SLC9A9: variants seen among roughly 807,000 people sequenced by gnomAD.
SLC9A9 encodes the protein sodium/hydrogen exchanger 9.
In SLC9A9, 62 loss-of-function variants were observed where a neutral mutation model predicts 77.8. The observed-to-expected ratio is 0.80, with a 90% confidence interval of 0.65 to 0.98. SLC9A9 has a LOEUF of 0.98. Among genes scored for constraint, SLC9A9 ranks in the 50% least tolerant of loss-of-function variants. The pLI is 0.00. For synonymous variants in SLC9A9, 320 were observed against 283.5 expected, an observed-to-expected ratio of 1.13 and a Z score of -1.29; for missense variants, 775 against 774.9, an observed-to-expected ratio of 1.00 and a Z score of 0.00.
intron 12 of SLC9A9, among the ~76,000 whole-genome samples, chr3:143,430,551 G>A (rs2034494656): frequency 6.6e-6 from 1 of 152,194 alleles, no homozygotes; most frequent in Admixed American, 6.5e-5. Flanking sequence ...TGTGGAAGGG[G>A]CAGGGCAGTG....
chr3:143,468,465 T>G (rs969383509), intron 11 of SLC9A9, among the ~76,000 whole-genome samples: 2 of 152,258 alleles, frequency 1.3e-5, no homozygotes, highest in Non-Finnish European at 2.9e-5. Flanking sequence ...AATAGCACAC[T>G]GTCTTAATTA....
intron 5 of SLC9A9, among the ~76,000 whole-genome samples, chr3:143,667,263 A>G (rs1299293185): frequency 6.6e-6 from 1 of 152,242 alleles, no homozygotes; most frequent in Admixed American, 6.5e-5. Context: ...GGTGCTGGGA[A>G]AACTGGCTAG....
chr3:143,766,971 T>C (rs2007339145), intron 4 of SLC9A9, among the ~76,000 whole-genome samples: 1 of 152,226 alleles, frequency 6.6e-6, no homozygotes, highest in South Asian at 2.1e-4. Context: ...TTAAAAAGTA[T>C]GGTAATCATG....
At chr3:143,403,285 C>T (rs2033903350) in intron 12 of SLC9A9, among the ~76,000 whole-genome samples, 1 of 152,102 alleles carries the variant, frequency 6.6e-6, no homozygotes, top group African/African-American at 2.4e-5. Flanking sequence ...TCCACTATAG[C>T]TTCCTTTCCT....
chr3:143,272,543 C>T (rs565218099), intron 14 of SLC9A9, among the ~76,000 whole-genome samples: 5 of 152,276 alleles, frequency 3.3e-5, no homozygotes, highest in East Asian at 1.9e-4. Context: ...CACTGAGTAA[C>T]GGGACTTGCC....
chr3:143,427,704 G>A (rs543201794), intron 12 of SLC9A9, among the ~76,000 whole-genome samples: 1 of 152,340 alleles, frequency 6.6e-6, no homozygotes, highest in East Asian at 1.9e-4. Context: ...GGTGAAATGT[G>A]CCTCAGGTTC....
At chr3:143,394,110 C>T (rs2033638738) in intron 12 of SLC9A9, among the ~76,000 whole-genome samples, 1 of 152,158 alleles carries the variant, frequency 6.6e-6, no homozygotes, top group Admixed American at 6.5e-5. Flanking sequence ...ATGAGGCCAG[C>T]ATCATCCTGA....
At chr3:143,493,544 T>G in intron 11 of SLC9A9, 109 bp downstream of exon 11, 1 of 906,612 alleles carries the variant, frequency 1.1e-6, no homozygotes, top group East Asian at 2.5e-5. Context: ...TACAATGGGA[T>G]AAAGAGAAGT....
chr3:143,743,702 C>G (rs1016456556), intron 4 of SLC9A9, among the ~76,000 whole-genome samples: 1 of 152,234 alleles, frequency 6.6e-6, no homozygotes, highest in African/African-American at 2.4e-5. Flanking sequence ...GAAACACCCT[C>G]ACAGACAAGC....
chr3:143,295,660 C>G (rs1159960409), intron 14 of SLC9A9, among the ~76,000 whole-genome samples: 1 of 151,912 alleles, frequency 6.6e-6, no homozygotes, highest in African/African-American at 2.4e-5. Flanking sequence ...AGCCTTCAAC[C>G]TCTCATATCC....
At chr3:143,845,664 G>A (rs1275090727) in intron 1 of SLC9A9, among the ~76,000 whole-genome samples, 1 of 152,128 alleles carries the variant, frequency 6.6e-6, no homozygotes, top group Non-Finnish European at 1.5e-5. Context: ...AAATAAAGGG[G>A]ATAGAGAAGA....
At chr3:143,504,245 T>C (rs9864019) in intron 9 of SLC9A9, 78,796 of 261,176 alleles carry the variant, frequency 0.3, 13,175 homozygotes, top group Non-Finnish European at 0.38. Context: ...ACAGCCAAAT[T>C]CATTTACTCC....
intron 12 of SLC9A9, among the ~76,000 whole-genome samples, chr3:143,441,087 C>G (rs1327564693): frequency 6.6e-6 from 1 of 152,176 alleles, no homozygotes; most frequent in Non-Finnish European, 1.5e-5. Flanking sequence ...CAACCTTCCT[C>G]CCTTTCATCA....
At chr3:143,434,895 C>T (rs1167807621) in intron 12 of SLC9A9, among the ~76,000 whole-genome samples, 3 of 152,130 alleles carry the variant, frequency 2.0e-5, no homozygotes, top group Non-Finnish European at 2.9e-5. Context: ...TAATCAAGCT[C>T]ATGTGGTCCA....
chr3:143,750,830 C>T (rs2006685581), intron 4 of SLC9A9, among the ~76,000 whole-genome samples: 1 of 151,218 alleles, frequency 6.6e-6, no homozygotes, highest in African/African-American at 2.4e-5. Context: ...AGGAAAGAAC[C>T]TTTTGAAAAA....
intron 1 of SLC9A9, among the ~76,000 whole-genome samples, chr3:143,845,112 T>C (rs79170836): frequency 0.013 from 1,961 of 152,216 alleles, 45 homozygotes; most frequent in African/African-American, 0.044. Context: ...TGCAATAATT[T>C]ACTTATTTTT....
At chr3:143,806,196 C>T (rs920199147) in intron 2 of SLC9A9, among the ~76,000 whole-genome samples, 1 of 151,386 alleles carries the variant, frequency 6.6e-6, no homozygotes, top group Admixed American at 6.6e-5. Context: ...TTTCACAACT[C>T]TAATTTACAA....
chr3:143,689,899 G>C (rs191758014), intron 5 of SLC9A9, among the ~76,000 whole-genome samples: 1 of 152,050 alleles, frequency 6.6e-6, no homozygotes, highest in Non-Finnish European at 1.5e-5. Context: ...GGGTAAAGGA[G>C]ACAGGGAGAG....
At chr3:143,341,120 A>T (rs547354738) in intron 14 of SLC9A9, among the ~76,000 whole-genome samples, 3 of 152,196 alleles carry the variant, frequency 2.0e-5, no homozygotes, top group Non-Finnish European at 4.4e-5. Context: ...GTGGAATATG[A>T]TGAATTCCTT....
Sources: allele counts gnomAD v4.1 joint callset (sites outside exome capture counted in the v4.1 genomes callset), GRCh38; gene constraint gnomAD v4.1.1; transcripts MANE v1.5; gene names NCBI Gene and HGNC (gene_info 2026-07-23, HGNC 2026-07-21).